The following DNAH3 variants were observed in gnomAD, a reference collection of about 807,000 sequenced individuals.
DNAH3 encodes the protein dynein axonemal heavy chain 3.
DNAH3 carries 332 observed loss-of-function variants against 432.5 expected under a neutral mutation model. The ratio of observed to expected loss-of-function variants is 0.77; its 90% CI spans 0.70 to 0.84. DNAH3 has a LOEUF of 0.84. Among genes scored for constraint, DNAH3 ranks in the 40% least tolerant of loss-of-function variants. The pLI is 0.00. For synonymous variants in DNAH3, 1,956 were observed against 1,900.2 expected, an observed-to-expected ratio of 1.03 and a Z score of -0.76; for missense variants, 4,861 against 5,114.0, an observed-to-expected ratio of 0.95 and a Z score of 1.51.
chr16:21,009,216 T>C (rs1450178850), intron 41 of DNAH3, among the ~76,000 whole-genome samples: 2 of 152,240 alleles, frequency 1.3e-5, no homozygotes, highest in Admixed American at 6.5e-5. Context: ...ATAAGATGGA[T>C]GGAATATTCT....
In DNAH3 at chr16:21,146,284, G is replaced by A. The variant is rs765526316; in HGVS notation, c.118-196C>T. On this transcript the variant is annotated intron_variant, in intron 1 of 61. Coordinates refer to ENST00000261383, the Ensembl canonical transcript of DNAH3. The stretch of plus-strand genomic sequence containing the variant: ...AAATTAACAGATAAGGGCTGGGTGC[G>A]GTAGCTCACCCCGGTAATCCCACCA... Among the ~76,000 whole-genome samples, 11 of 152,194 alleles carry A rather than the reference G, an allele frequency of 7.2e-5. No homozygotes were observed. The East Asian group carries it at 9.7e-4, about 13-fold the overall frequency.
chr16:20,984,166 T>TGC (rs1211691555), intron 48 of DNAH3, among the ~76,000 whole-genome samples: 1 of 150,316 alleles, frequency 6.7e-6, no homozygotes, highest in African/African-American at 2.5e-5. Context: ...TCCCAATGTG[T>TGC]GTGTGTGTGT....
chr16:20,977,498 C>T (rs1031458752), intron 50 of DNAH3, among the ~76,000 whole-genome samples: 6 of 98,816 alleles, frequency 6.1e-5, no homozygotes, highest in Non-Finnish European at 1.5e-4. Flanking sequence ...GCAGCTCAGA[C>T]AAACAGGGTT....
intron 12 of DNAH3, among the ~76,000 whole-genome samples, chr16:21,114,686 A>G (rs2092146692): frequency 6.6e-6 from 1 of 152,184 alleles, no homozygotes; most frequent in Admixed American, 6.5e-5. Flanking sequence ...CAAAACCACA[A>G]TGAGATACCA....
At chr16:21,034,061 G>A (rs2089035782) in exon 36 of DNAH3, 1 of 1,613,168 alleles carries the variant, frequency 6.2e-7, no homozygotes, top group Non-Finnish European at 8.5e-7. Context: ...ATATAGCCAT[G>A]TCTCACCAGC....
chr16:20,965,160 C>T, exon 53 of DNAH3: 1 of 1,614,140 alleles, frequency 6.2e-7, no homozygotes, highest in East Asian at 2.2e-5. Context: ...CTGCCTCCCT[C>T]AGTCGCTCCC....
chr16:21,067,793 GA>G (rs2090622206), intron 23 of DNAH3, among the ~76,000 whole-genome samples: 1 of 136,890 alleles, frequency 7.3e-6, no homozygotes, highest in Non-Finnish European at 1.6e-5. Flanking sequence ...GAGAGAGAGA[GA>G]GAGAGAGACT....
At chr16:21,038,464 G>A (rs749262083) in intron 33 of DNAH3, among the ~76,000 whole-genome samples, 58 of 152,210 alleles carry the variant, frequency 3.8e-4, no homozygotes, top group Admixed American at 7.9e-4. Context: ...GCTGCAGTGA[G>A]CTGTGATTGC....
rs202175103 is a variant in DNAH3, at chr16:21,072,822, TTATTATTATTATTATTATTAC to T, written c.3085-2017_3085-1997del. Among the ~76,000 whole-genome samples, 614 of 148,608 alleles carry T rather than the reference TTATTATTATTATTATTATTAC, an allele frequency of 4.1e-3. 4 individuals carry two copies. Among genetic ancestry groups the T allele is most frequent in the African/African-American group, 0.014 (581 of 40,734 alleles). On this transcript the variant is annotated intron_variant, in intron 21 of 61. Coordinates refer to ENST00000261383, the Ensembl canonical transcript of DNAH3. ...CATCACCATACTCAGCTAATTATTA[TTATTATTATTATTATTATTAC>T]TATTATTATTATTATTATTTTGTAG...
chr16:21,099,050 C>T (rs938100492), intron 16 of DNAH3, among the ~76,000 whole-genome samples: 3 of 152,134 alleles, frequency 2.0e-5, no homozygotes, highest in Admixed American at 6.6e-5. Context: ...CAGGTAAATA[C>T]GTATAAGATA....
At chr16:20,961,515 A>AAAAATAAAATAAAAT in intron 53 of DNAH3, among the ~76,000 whole-genome samples, 1 of 148,764 alleles carries the variant, frequency 6.7e-6, no homozygotes, top group Admixed American at 6.6e-5. Flanking sequence ...AAATGAATAA[A>AAAAATAAAATAAAAT]AAAATAAAAT....
intron 23 of DNAH3, among the ~76,000 whole-genome samples, chr16:21,067,776 G>GAGAGAGAGAGAGAGAGAGAGA (rs2090615941): frequency 2.4e-5 from 1 of 40,880 alleles, no homozygotes; most frequent in African/African-American, 1.2e-4. Flanking sequence ...GGGTGGGGAG[G>GAGAGAGAGAGAGAGAGAGAGA]GAGAGAGAGA....
At chr16:21,154,183 C>T (rs1013390320) in intron 1 of DNAH3, among the ~76,000 whole-genome samples, 11 of 152,200 alleles carry the variant, frequency 7.2e-5, no homozygotes, top group South Asian at 2.1e-4. Flanking sequence ...GCGAGTGGAT[C>T]GCCTGAGGTC....
intron 52 of DNAH3, among the ~76,000 whole-genome samples, chr16:20,965,748 T>C (rs947648332): frequency 2.6e-5 from 4 of 152,332 alleles, no homozygotes; most frequent in African/African-American, 7.2e-5. Context: ...AGTCTTGCAC[T>C]GTCAGCCAGG....
chr16:21,094,116 A>G (rs1411414446), intron 18 of DNAH3, among the ~76,000 whole-genome samples: 1 of 152,216 alleles, frequency 6.6e-6, no homozygotes, highest in Non-Finnish European at 1.5e-5. Context: ...AAGAGAATAA[A>G]AAAACAAGCC....
At chr16:21,074,606 C>A (rs974571989) in intron 21 of DNAH3, among the ~76,000 whole-genome samples, 1 of 151,958 alleles carries the variant, frequency 6.6e-6, no homozygotes, top group African/African-American at 2.4e-5. Flanking sequence ...CCCAGCTACT[C>A]GGGAGGCTGA....
chr16:21,141,305 G>T (rs1352770627), exon 4 of DNAH3: 2 of 1,585,932 alleles, frequency 1.3e-6, no homozygotes, highest in South Asian at 2.3e-5. Context: ...CTTACCTAGT[G>T]GAATCCTCTT....
At chr16:21,024,965 C>T (rs1337945674) in intron 38 of DNAH3, among the ~76,000 whole-genome samples, 1 of 152,166 alleles carries the variant, frequency 6.6e-6, no homozygotes, top group Non-Finnish European at 1.5e-5. Flanking sequence ...TGCTCTGTTG[C>T]CCAGGCTGGA....
chr16:21,000,324 G>T, exon 43 of DNAH3: 2 of 1,614,224 alleles, frequency 1.2e-6, no homozygotes, highest in South Asian at 2.2e-5. Context: ...GATTGGCTGA[G>T]GTTCTGGCAG....
Sources: allele counts gnomAD v4.1 joint callset (sites outside exome capture counted in the v4.1 genomes callset), GRCh38; gene constraint gnomAD v4.1.1; transcripts MANE v1.5; gene names NCBI Gene and HGNC (gene_info 2026-07-23, HGNC 2026-07-21).